The following CATSPERE variants were observed in gnomAD, a reference collection of about 807,000 sequenced individuals.
CATSPERE encodes catsper channel auxiliary subunit epsilon, also known as cation channel sperm-associated auxiliary subunit epsilon.
In CATSPERE, 93 loss-of-function variants were observed where a neutral mutation model predicts 114.1. That is an observed-to-expected ratio of 0.81 (90% CI 0.69 to 0.97). The LOEUF (loss-of-function observed/expected upper bound fraction) is 0.97. Ranked by LOEUF, CATSPERE falls within the 50% of genes least tolerant of loss-of-function variation. The pLI, the probability that CATSPERE is intolerant of heterozygous loss-of-function variation, is 0.00. For missense variants in CATSPERE, 1,058 were observed against 1,131.6 expected (o/e 0.93, Z 0.93); for synonymous variants, 341 against 384.1 (o/e 0.89, Z 1.31).
chr1:244,588,415 A>G, intron 13 of CATSPERE, 67 bp from the exon 14 acceptor site: 1 of 1,179,558 alleles, frequency 8.5e-7, no homozygotes, highest in Non-Finnish European at 1.3e-6. Context: ...AATTGGTTTT[A>G]GCTGTAATAT....
chr1:244,490,453 C>A lies in CATSPERE; in HGVS notation c.333C>A (p.Phe111Leu). ...TTCCTCTTTTTCCAAGCAGACATTT[C>A]TTTAACAACTTTACCCAGGTAAAAT... ...CFLWYYRVRH[F>L]FNNFTQLITV... The change falls in exon 6 of 22, where the codon TTC becomes TTA. Residue 111 changes from phenylalanine (F) to leucine (L), a missense_variant. Coordinates refer to ENST00000366534, the MANE Select transcript of CATSPERE (RefSeq NM_001130957.2). The A allele has an allele frequency of 6.5e-7, 1 of 1,538,122 alleles. No individual in the cohort carries two copies. Among genetic ancestry groups the A allele is most frequent in the Non-Finnish European group, 9.0e-7 (1 of 1,115,158 alleles).
chr1:244,516,140 G>T (rs1032817043), intron 7 of CATSPERE, among the ~76,000 whole-genome samples: 1 of 151,758 alleles, frequency 6.6e-6, no homozygotes, highest in African/African-American at 2.4e-5. Context: ...GCAGTGAGCT[G>T]TGATTGAGCC....
chr1:244,496,767 T>C (rs1673164170), intron 6 of CATSPERE, among the ~76,000 whole-genome samples: 1 of 152,170 alleles, frequency 6.6e-6, no homozygotes, highest in Admixed American at 6.5e-5. Flanking sequence ...AAAAACAGTG[T>C]TCAGAAAAAC....
intron 6 of CATSPERE, 56 bp from the exon 7 acceptor site, chr1:244,498,946 C>A: frequency 7.3e-6 from 10 of 1,366,098 alleles, no homozygotes; most frequent in African/African-American, 1.4e-5. Flanking sequence ...TTTGCCACAA[C>A]TAAAAAAGAA....
At chr1:244,502,902 C>T (rs1674284273) in intron 7 of CATSPERE, among the ~76,000 whole-genome samples, 1 of 152,162 alleles carries the variant, frequency 6.6e-6, no homozygotes, top group African/African-American at 2.4e-5. Context: ...GAAAGGTTCC[C>T]ATCCCCCATT....
chr1:244,602,584 T>C (rs1478685536), intron 17 of CATSPERE, among the ~76,000 whole-genome samples: 2 of 152,216 alleles, frequency 1.3e-5, no homozygotes, highest in Non-Finnish European at 2.9e-5. Context: ...GAGTGTGATC[T>C]AGCTGGGAAC....
At position 244,625,103 on chromosome 1, in the gene CATSPERE, T is replaced by C. The variant is rs556813375; in HGVS notation, c.2648+7417T>C. Among the ~76,000 whole-genome samples, 22 of 152,176 alleles carry C rather than the reference T, an allele frequency of 1.4e-4. No homozygotes were observed. In the South Asian group the frequency reaches 4.4e-3, roughly 30 times the overall value. On this transcript the variant is annotated intron_variant, in intron 20 of 21. Coordinates refer to ENST00000366534, the MANE Select transcript of CATSPERE (RefSeq NM_001130957.2). ...ATGGCATCTAGAATGGTGAATACTT[T>C]CCAGGTTTTCAATTTATTTTGTCCA...
chr1:244,621,598 C>G (rs559621455), intron 20 of CATSPERE, among the ~76,000 whole-genome samples: 70 of 151,730 alleles, frequency 4.6e-4, no homozygotes, highest in Admixed American at 2.0e-3. Flanking sequence ...AACCACAAAC[C>G]AGGGTCAACA....
chr1:244,594,892 C>T (rs923270604), intron 17 of CATSPERE, among the ~76,000 whole-genome samples: 3 of 152,056 alleles, frequency 2.0e-5, no homozygotes, highest in African/African-American at 4.8e-5. Context: ...TCCAGCAGTC[C>T]GTCTCTCAGA....
chr1:244,460,493 C>T (rs1219638192), upstream of CATSPERE, among the ~76,000 whole-genome samples: 15 of 152,248 alleles, frequency 9.9e-5, no homozygotes, highest in Admixed American at 9.8e-4. Flanking sequence ...GGCTCACTGG[C>T]TTCCGCCAAC....
chr1:244,577,180 C>T (rs964208831), intron 11 of CATSPERE, among the ~76,000 whole-genome samples: 2 of 151,842 alleles, frequency 1.3e-5, no homozygotes, highest in Non-Finnish European at 2.9e-5. Flanking sequence ...TCAGCAATTT[C>T]TTCAGTGACT....
intron 10 of CATSPERE, among the ~76,000 whole-genome samples, chr1:244,567,791 C>T (rs752743396): frequency 4.6e-5 from 7 of 151,842 alleles, no homozygotes; most frequent in Admixed American, 3.3e-4. Context: ...AGAACATGCT[C>T]CTTTAGCTCA....
At chr1:244,506,294 A>G (rs1674802560) in intron 7 of CATSPERE, among the ~76,000 whole-genome samples, 1 of 152,202 alleles carries the variant, frequency 6.6e-6, no homozygotes, top group African/African-American at 2.4e-5. Context: ...CCATTCATCC[A>G]TCACTGGACA....
rs569543585 is a variant in CATSPERE at position 244,473,257 on chromosome 1, T to G, written c.115-4284T>G. ...AATGACAGTGCTGTTGCTCCACATCTTCACCAGCATTTGGCGTTGTTAGTG... is the reference window on the plus strand; with the variant it reads ...AATGACAGTGCTGTTGCTCCACATCGTCACCAGCATTTGGCGTTGTTAGTG... On this transcript the variant is annotated intron_variant, in intron 2 of 21. Transcript: ENST00000366534. Among the ~76,000 whole-genome samples the G allele has an allele frequency of 6.6e-5, 10 of 152,294 alleles. No individual in the cohort carries two copies. In the East Asian group the frequency reaches 1.9e-3, roughly 29 times the overall value.
chr1:244,614,918 A>C (rs1282201114), intron 19 of CATSPERE, among the ~76,000 whole-genome samples: 1 of 152,046 alleles, frequency 6.6e-6, no homozygotes, highest in Non-Finnish European at 1.5e-5. Context: ...AACATGTTAC[A>C]TTTTTATCTG....
At chr1:244,474,004 T>C (rs1047669314) in intron 2 of CATSPERE, among the ~76,000 whole-genome samples, 4 of 151,988 alleles carry the variant, frequency 2.6e-5, no homozygotes, top group African/African-American at 7.2e-5. Flanking sequence ...TTATTTACTC[T>C]TTTACTGCCT....
chr1:244,472,790 C>T (rs1668704826), intron 2 of CATSPERE, among the ~76,000 whole-genome samples: 1 of 152,148 alleles, frequency 6.6e-6, no homozygotes, highest in South Asian at 2.1e-4. Flanking sequence ...TCAATCCTCC[C>T]CCTCCCCAGC....
intron 8 of CATSPERE, among the ~76,000 whole-genome samples, chr1:244,548,020 G>C (rs1385640087): frequency 6.6e-6 from 1 of 152,224 alleles, no homozygotes. Context: ...GGATGATTAG[G>C]TACTTCAAAA....
At chr1:244,511,823 G>A (rs1336925615) in intron 7 of CATSPERE, among the ~76,000 whole-genome samples, 2 of 152,156 alleles carry the variant, frequency 1.3e-5, no homozygotes, top group African/African-American at 2.4e-5. Context: ...GCTAGGTATT[G>A]TATTCCACAC....
Sources: gnomAD v4.1 joint callset for allele counts (sites outside exome capture counted in the v4.1 genomes callset) on GRCh38, gnomAD v4.1.1 for gene constraint, MANE v1.5 for transcripts, NCBI Gene and HGNC (gene_info 2026-07-23, HGNC 2026-07-21) for gene names.